XPR1: variants seen among roughly 807,000 people sequenced by gnomAD.
The protein encoded by XPR1 is solute carrier family 53 member 1.
In XPR1, 28 loss-of-function variants were observed where a neutral mutation model predicts 87.5. That is an observed-to-expected ratio of 0.32 (90% CI 0.24 to 0.44). XPR1 has a LOEUF of 0.44. Among genes scored for constraint, XPR1 ranks in the 20% least tolerant of loss-of-function variants. The pLI is 1.00. For missense variants in XPR1, 559 were observed against 862.3 expected (o/e 0.65, Z 4.41); for synonymous variants, 300 against 306.1 (o/e 0.98, Z 0.21).
At chr1:180,755,986 T>C (rs1230229810) in intron 2 of XPR1, among the ~76,000 whole-genome samples, 3 of 152,190 alleles carry the variant, frequency 2.0e-5, no homozygotes, top group Non-Finnish European at 2.9e-5. Flanking sequence ...TGCTTATTAA[T>C]TACAAGAGGA....
At chr1:180,780,274 A>G (rs1034267032) in intron 2 of XPR1, among the ~76,000 whole-genome samples, 2 of 152,158 alleles carry the variant, frequency 1.3e-5, no homozygotes, top group Non-Finnish European at 2.9e-5. Context: ...TAACATTCCT[A>G]CCAGTGATAT....
chr1:180,806,140 C>T lies in XPR1; in HGVS notation c.526C>T (p.Arg176Ter), dbSNP rs1394325370. Residue 176 changes from arginine to a stop codon, truncating the protein, a stop_gained, in exon 5 of 15, where the codon CGA becomes TGA. Coordinates refer to ENST00000367590, the MANE Select transcript of XPR1 (RefSeq NM_004736.4). LOFTEE classifies it high-confidence loss of function. ...ILETSRGADWRVAHVEVAPFY... is the reference protein window; with the variant it reads ...ILETSRGADW ...GGAAACATCTCGTGGAGCAGATTGG[C>T]GAGTGGCTCACGTAGAGGTGGCCCC... is the stretch of plus-strand genomic sequence containing the variant. 4 of 1,613,550 alleles carry T rather than the reference C, an allele frequency of 2.5e-6. No individual in the cohort carries two copies. The highest frequency in any genetic ancestry group is 1.7e-6 in the Non-Finnish European group (2 of 1,179,780).
At chr1:180,803,735 A>G in intron 4 of XPR1, 124 bp downstream of exon 4, 1 of 768,544 alleles carries the variant, frequency 1.3e-6, no homozygotes, top group Non-Finnish European at 2.0e-6. Flanking sequence ...ACATGTTGTT[A>G]TTCTTGGGGT....
chr1:180,806,988 G>A (rs966652290), intron 6 of XPR1, among the ~76,000 whole-genome samples: 1 of 152,056 alleles, frequency 6.6e-6, no homozygotes, highest in Admixed American at 6.5e-5. Flanking sequence ...AATATAGAAG[G>A]ATTTAAGTCA....
At chr1:180,725,193 A>C (rs1658296453) in intron 2 of XPR1, among the ~76,000 whole-genome samples, 1 of 152,188 alleles carries the variant, frequency 6.6e-6, no homozygotes, top group Admixed American at 6.5e-5. Flanking sequence ...TCTTAACCAT[A>C]CCCAAGATTT....
intron 2 of XPR1, among the ~76,000 whole-genome samples, chr1:180,715,141 A>G (rs1657944041): frequency 6.6e-6 from 1 of 152,226 alleles, no homozygotes. Flanking sequence ...ACTACTAAGT[A>G]TATGGTTGTT....
At chr1:180,850,996 T>C (rs892593765) in intron 11 of XPR1, among the ~76,000 whole-genome samples, 2 of 151,836 alleles carry the variant, frequency 1.3e-5, no homozygotes, top group Admixed American at 1.3e-4. Context: ...AGTATCCTTA[T>C]ATTTCTTTTA....
chr1:180,764,759 C>T (rs572424726), intron 2 of XPR1, among the ~76,000 whole-genome samples: 2 of 150,290 alleles, frequency 1.3e-5, no homozygotes, highest in African/African-American at 2.5e-5. Context: ...TATGAGCCAC[C>T]GTGCCCAGCC....
At position 180,884,380 on chromosome 1, in the gene XPR1, A is replaced by G. The variant is rs1263589266; in HGVS notation, c.*314A>G. The stretch of plus-strand genomic sequence containing the variant: ...CACAAGGACATAGATACCTATCAGG[A>G]TGAAGAACAGGCATTGCAAGGACCC... On this transcript the variant is annotated 3_prime_UTR_variant, in exon 15 of 15. Transcript: ENST00000367590. 3 of 211,990 alleles carry G rather than the reference A, an allele frequency of 1.4e-5. No individual in the cohort carries two copies. Among genetic ancestry groups the G allele is most frequent in the Non-Finnish European group, 2.8e-5 (3 of 106,240 alleles). The allele number at this position is 211,990 out of a possible 1,614,324, so 13.1% of individuals were successfully genotyped here. A position where few individuals can be genotyped will look rare whatever the true frequency, so the allele number is the denominator to read the frequency against.
At chr1:180,873,153 C>G (rs1652557529) in intron 12 of XPR1, among the ~76,000 whole-genome samples, 1 of 152,078 alleles carries the variant, frequency 6.6e-6, no homozygotes, top group African/African-American at 2.4e-5. Context: ...TTATATAGTT[C>G]TGCTCTATTG....
At chr1:180,773,007 G>T (rs926340041) in intron 2 of XPR1, among the ~76,000 whole-genome samples, 4 of 152,078 alleles carry the variant, frequency 2.6e-5, no homozygotes, top group African/African-American at 9.7e-5. Flanking sequence ...GCTCCCCAGG[G>T]TACAGTTCCC....
chr1:180,728,302 G>GT (rs1043961911), intron 2 of XPR1, among the ~76,000 whole-genome samples: 10 of 146,034 alleles, frequency 6.8e-5, no homozygotes, highest in Non-Finnish European at 1.2e-4. Flanking sequence ...ATAACTGGGG[G>GT]GGGGGGTAGT....
rs1395466763 is a variant in XPR1, at chr1:180,889,779, CCTT to C, written c.*5716_*5718del. ...TTGTATTTTTCTGTTCAAACTCTCTCCTTCTATTTGTGTTTCCTTCACCCCTCT... is the reference window on the plus strand; with the variant it reads ...TTGTATTTTTCTGTTCAAACTCTCTCCTATTTGTGTTTCCTTCACCCCTCT... On this transcript the variant is annotated 3_prime_UTR_variant, in exon 15 of 15. Coordinates refer to ENST00000367590, the MANE Select transcript of XPR1 (RefSeq NM_004736.4). 2.0e-5 allele frequency: 3 copies of C among 152,168 alleles called. No homozygotes were observed. The highest frequency in any genetic ancestry group is 2.9e-5 in the Non-Finnish European group (2 of 68,030). 9.4% of individuals were successfully genotyped at this position (152,168 alleles called of 1,614,324 possible).
intron 2 of XPR1, among the ~76,000 whole-genome samples, chr1:180,707,708 G>A (rs1657605098): frequency 6.6e-6 from 1 of 152,124 alleles, no homozygotes; most frequent in African/African-American, 2.4e-5. Context: ...ATGTTTATTG[G>A]AAACACCTTG....
At chr1:180,633,501 T>C (rs1052350833) in intron 1 of XPR1, among the ~76,000 whole-genome samples, 4 of 152,228 alleles carry the variant, frequency 2.6e-5, no homozygotes, top group African/African-American at 9.6e-5. Flanking sequence ...TTTATTCATA[T>C]AGCCATTGTA....
chr1:180,772,563 T>G (rs986744951), intron 2 of XPR1, among the ~76,000 whole-genome samples: 2 of 152,350 alleles, frequency 1.3e-5, no homozygotes, highest in South Asian at 4.1e-4. Context: ...AAATCTCATC[T>G]TGTATCTCCC....
chr1:180,699,409 C>G (rs1657283859), intron 2 of XPR1, among the ~76,000 whole-genome samples: 1 of 115,378 alleles, frequency 8.7e-6, no homozygotes, highest in Non-Finnish European at 1.8e-5. Flanking sequence ...ATTCCCCTTC[C>G]TGTGTCCAAG....
chr1:180,828,962 G>A lies in XPR1; in HGVS notation c.1134+3618G>A, dbSNP rs547573812. On this transcript the variant is annotated intron_variant, in intron 9 of 14. Transcript: ENST00000367590. Reference sequence around the variant, plus strand: ...CTGTAATCCTAGCACTTTGAGAGGCGGAGGTGGGAGGATCGCTTAAGCCCA... The same window carrying A: ...CTGTAATCCTAGCACTTTGAGAGGCAGAGGTGGGAGGATCGCTTAAGCCCA... Among the ~76,000 whole-genome samples the A allele has an allele frequency of 1.8e-4, 28 of 152,134 alleles. No homozygotes were observed. In the South Asian group the frequency reaches 5.6e-3, roughly 30 times the overall value.
chr1:180,803,219 A>G (rs1649859500), intron 3 of XPR1, among the ~76,000 whole-genome samples, 169 bp from the exon 4 acceptor site: 1 of 152,214 alleles, frequency 6.6e-6, no homozygotes, highest in South Asian at 2.1e-4. Flanking sequence ...GGGTAAAATG[A>G]AAGGAGAGTG....
Sources: gnomAD v4.1 joint callset for allele counts (sites outside exome capture counted in the v4.1 genomes callset) on GRCh38, gnomAD v4.1.1 for gene constraint, MANE v1.5 for transcripts, NCBI Gene and HGNC (gene_info 2026-07-23, HGNC 2026-07-21) for gene names.